Variants in PRKCZ observed in about 807,000 individuals in gnomAD.
PRKCZ encodes the protein protein kinase C zeta.
Under a neutral mutation model 79.5 loss-of-function variants are expected in PRKCZ, and 33 were observed. The observed-to-expected ratio is 0.41, with a 90% confidence interval of 0.31 to 0.55. The LOEUF (loss-of-function observed/expected upper bound fraction) is 0.55. PRKCZ is among the 20% of genes least tolerant of loss of function. The pLI is 0.19. For synonymous variants in PRKCZ, 342 were observed against 320.9 expected (o/e 1.07, Z -0.70); for missense variants, 578 against 813.5 (o/e 0.71, Z 3.52).
rs1249254010 is a variant in PRKCZ at position 2,106,631 on chromosome 1, G to A, written c.335-28631G>A. Among the ~76,000 whole-genome samples the A allele has an allele frequency of 3.9e-5, 4 of 101,302 alleles. 1 individual carries two copies. The highest frequency in any genetic ancestry group is 1.9e-4 in the African/African-American group (4 of 21,590). The allele number at this position is 101,302 out of a possible 152,430, so 66.5% of individuals were successfully genotyped here. ...GTGTCACCAGGCCAGGTAACTCTCA[G>A]CAAGCCCCTCTGGTGGGCGAGGACC... On this transcript the variant is annotated intron_variant, in intron 4 of 17. Transcript: ENST00000378567.
intron 4 of PRKCZ, among the ~76,000 whole-genome samples, chr1:2,103,841 G>GGGCTT (rs1667907029): frequency 6.6e-6 from 1 of 152,212 alleles, no homozygotes; most frequent in South Asian, 2.1e-4. Flanking sequence ...TGGTCTCTGG[G>GGGCTT]GGCTGCACCT....
intron 4 of PRKCZ, chr1:2,134,750 T>C (rs1445180520): frequency 1.3e-5 from 2 of 152,438 alleles, no homozygotes; most frequent in Non-Finnish European, 2.9e-5. Context: ...GTGAAGTCAG[T>C]GGCGCTCTGC....
chr1:2,158,883 C>T (rs943780590), intron 10 of PRKCZ, among the ~76,000 whole-genome samples: 6 of 151,930 alleles, frequency 3.9e-5, no homozygotes, highest in South Asian at 2.1e-4. Flanking sequence ...TGGGAGCATT[C>T]GGCATTCACA....
chr1:2,053,220 C>T (rs568401621), intron 1 of PRKCZ, among the ~76,000 whole-genome samples: 1 of 152,258 alleles, frequency 6.6e-6, no homozygotes, highest in South Asian at 2.1e-4. Flanking sequence ...CCTGCTTCAG[C>T]CTCCCTAGTA....
chr1:2,154,958 C>T (rs1477090109), intron 9 of PRKCZ, among the ~76,000 whole-genome samples: 1 of 152,206 alleles, frequency 6.6e-6, no homozygotes, highest in Non-Finnish European at 1.5e-5. Flanking sequence ...AGCCCTCCAC[C>T]TCAATTTCCT....
chr1:2,134,703 G>T (rs914594046), intron 4 of PRKCZ: 1 of 152,296 alleles, frequency 6.6e-6, no homozygotes, highest in Non-Finnish European at 1.5e-5. Flanking sequence ...TGGAGAGCCC[G>T]GGGCCTCGCG....
chr1:2,161,281 C>G (rs920211232), intron 10 of PRKCZ, among the ~76,000 whole-genome samples: 1 of 152,260 alleles, frequency 6.6e-6, no homozygotes, highest in Non-Finnish European at 1.5e-5. Context: ...CTAGCACTTC[C>G]GGAGCAGGAC....
At chr1:2,088,272 C>T (rs1344135850) in intron 4 of PRKCZ, among the ~76,000 whole-genome samples, 4 of 152,136 alleles carry the variant, frequency 2.6e-5, no homozygotes, top group Non-Finnish European at 5.9e-5. Context: ...TCACTGCTCC[C>T]TCCCCCTTGC....
At position 2,075,661 on chromosome 1, in the gene PRKCZ, G is replaced by A. The variant is rs1222950285; in HGVS notation, c.334+16070G>A. ...TCCCACCTCCCAGACTCACCTCTGG[G>A]CTCCGGGCTCTGCTGCGATGTTTCC... is the stretch of plus-strand genomic sequence containing the variant. On this transcript the variant is annotated intron_variant, in intron 4 of 17. Transcript: ENST00000378567. The surrounding 1 kb of genome is among the most constrained non-coding windows in gnomAD (Gnocchi z 4.8). Among the ~76,000 whole-genome samples the A allele has an allele frequency of 6.6e-6, 1 of 152,180 alleles. No individual in the cohort carries two copies. Among genetic ancestry groups the A allele is most frequent in the Non-Finnish European group, 1.5e-5 (1 of 68,038 alleles).
chr1:2,096,484 G>A (rs543222341), intron 4 of PRKCZ, among the ~76,000 whole-genome samples: 3 of 152,296 alleles, frequency 2.0e-5, no homozygotes, highest in African/African-American at 4.8e-5. Flanking sequence ...ACTTCGTGAG[G>A]ATCTAACACA....
At chr1:2,169,634 T>C (rs1684027910) in intron 11 of PRKCZ, 30 bp downstream of exon 11, 3 of 1,185,586 alleles carry the variant, frequency 2.5e-6, no homozygotes, top group Non-Finnish European at 3.2e-6. Flanking sequence ...GCCGGGTGGG[T>C]GCGCCCGGAG....
At chr1:2,113,355 C>T (rs1036979582) in intron 4 of PRKCZ, among the ~76,000 whole-genome samples, 5 of 152,204 alleles carry the variant, frequency 3.3e-5, no homozygotes, top group Non-Finnish European at 7.3e-5. Context: ...CAAGTATGTG[C>T]TCCTGCTGCT....
intron 4 of PRKCZ, among the ~76,000 whole-genome samples, chr1:2,117,701 A>G (rs1266082145): frequency 6.6e-6 from 1 of 152,236 alleles, no homozygotes; most frequent in Non-Finnish European, 1.5e-5. Flanking sequence ...ATCCCCACCA[A>G]CAAATTAAAG....
At chr1:2,081,344 G>C (rs1224309996) in intron 4 of PRKCZ, among the ~76,000 whole-genome samples, 1 of 144,106 alleles carries the variant, frequency 6.9e-6, no homozygotes, top group East Asian at 2.3e-4. Context: ...GATGAGGCCA[G>C]ACACTGGGTG....
In PRKCZ at chr1:2,135,259, C is replaced by T; in HGVS notation, c.335-3C>T. On this transcript the variant is annotated splice_polypyrimidine_tract_variant and splice_region_variant and intron_variant, in intron 4 of 17. Coordinates refer to ENST00000378567, the MANE Select transcript of PRKCZ (RefSeq NM_002744.6). ...CTTTACACCTTTCTCATATCCTTTC[C>T]AGAATCTATCTACCGCCGGGGAGCC... 1 of 1,611,428 alleles carries T rather than the reference C, an allele frequency of 6.2e-7. No individual in the cohort carries two copies. Among genetic ancestry groups the T allele is most frequent in the Non-Finnish European group, 8.5e-7 (1 of 1,178,552 alleles).
At chr1:2,160,238 C>CGCGCGCGTGTGTGT (rs71578361) in intron 10 of PRKCZ, among the ~76,000 whole-genome samples, 27 of 146,468 alleles carry the variant, frequency 1.8e-4, no homozygotes, top group African/African-American at 6.1e-4. Flanking sequence ...CAGCAGTGTG[C>CGCGCGCGTGTGTGT]GTGTGTGTGT....
At chr1:2,115,913 C>T (rs142934599) in intron 4 of PRKCZ, among the ~76,000 whole-genome samples, 1,916 of 152,250 alleles carry the variant, frequency 0.013, 20 homozygotes, top group Non-Finnish European at 0.02. Flanking sequence ...TCGTGACAGG[C>T]ACGGTTGATT....
chr1:2,053,468 A>G (rs1409379306), intron 1 of PRKCZ, among the ~76,000 whole-genome samples: 3 of 152,206 alleles, frequency 2.0e-5, no homozygotes, highest in Non-Finnish European at 4.4e-5. Flanking sequence ...TGAGGCCAAC[A>G]GAGACGCAGG....
In PRKCZ at chr1:2,094,202, T is replaced by G. The variant is rs892103145; in HGVS notation, c.334+34611T>G. ...GCAGCCCCCCCACTTCCACCTGTCT[T>G]GGACGGGAGCTGGAAGGGACGTGGT... On this transcript the variant is annotated intron_variant, in intron 4 of 17. Coordinates refer to ENST00000378567, the MANE Select transcript of PRKCZ (RefSeq NM_002744.6). The surrounding 1 kb of genome is among the most constrained non-coding windows in gnomAD (Gnocchi z 7.3). Among the ~76,000 whole-genome samples the G allele has an allele frequency of 9.2e-5, 14 of 152,100 alleles. No homozygotes were observed. The highest frequency in any genetic ancestry group is 2.9e-5 in the Non-Finnish European group (2 of 68,020).
Sources: allele counts gnomAD v4.1 joint callset (sites outside exome capture counted in the v4.1 genomes callset), GRCh38; gene constraint gnomAD v4.1.1; non-coding constraint Gnocchi (gnomAD v3.1); transcripts MANE v1.5; gene names NCBI Gene and HGNC (gene_info 2026-07-23, HGNC 2026-07-21).